The following SKAP2 variants were observed in gnomAD, a reference collection of about 807,000 sequenced individuals.
The protein encoded by SKAP2 is src kinase-associated phosphoprotein 2.
SKAP2 carries 28 observed loss-of-function variants against 54.9 expected under a neutral mutation model. That is an observed-to-expected ratio of 0.51 (90% confidence interval 0.38 to 0.70). The LOEUF is 0.70. Ranked by LOEUF, SKAP2 falls within the 30% of genes least tolerant of loss-of-function variation. SKAP2 has a pLI of 0.00. For synonymous variants in SKAP2, 137 were observed against 134.3 expected (o/e 1.02, Z -0.14); for missense variants, 356 against 424.1 (o/e 0.84, Z 1.41).
intron 4 of SKAP2, among the ~76,000 whole-genome samples, chr7:26,839,170 ATG>A (rs1225478813): frequency 6.6e-5 from 10 of 152,092 alleles, no homozygotes; most frequent in Non-Finnish European, 1.2e-4. Flanking sequence ...CTCAATGGCT[ATG>A]TGTTTTATTT....
chr7:26,774,468 A>T (rs1262883105), intron 4 of SKAP2, among the ~76,000 whole-genome samples: 1 of 151,968 alleles, frequency 6.6e-6, no homozygotes, highest in South Asian at 2.1e-4. Flanking sequence ...CTGAAATGCG[A>T]AGTGTCAGTG....
At chr7:26,823,723 A>G (rs1384306823) in intron 4 of SKAP2, among the ~76,000 whole-genome samples, 1 of 152,176 alleles carries the variant, frequency 6.6e-6, no homozygotes, top group African/African-American at 2.4e-5. Flanking sequence ...CTCATGGATG[A>G]CTTTGAGGGG....
downstream of SKAP2, among the ~76,000 whole-genome samples, chr7:26,662,533 T>A (rs1477257339): frequency 6.6e-6 from 1 of 152,138 alleles, no homozygotes; most frequent in Admixed American, 6.6e-5. Context: ...AGACTATGAA[T>A]CTACTTGGGA....
At chr7:26,786,793 T>C (rs1783556838) in intron 4 of SKAP2, among the ~76,000 whole-genome samples, 1 of 152,228 alleles carries the variant, frequency 6.6e-6, no homozygotes, top group Non-Finnish European at 1.5e-5. Context: ...CTTTTTTTTC[T>C]GAACATATAA....
In SKAP2 at chr7:26,725,922, C is replaced by G. The variant is rs1223752052; in HGVS notation, c.658+1G>C. ...TAACTTGTTCGATTGATTTATCTTA[C>G]CTTGCAATACAAATTTCAGCTGCTG... On this transcript the variant is annotated splice_donor_variant, in intron 8 of 12. Transcript: ENST00000345317. LOFTEE classifies it high-confidence loss of function. The G allele has an allele frequency of 5.0e-6, 8 of 1,605,278 alleles. No individual in the cohort carries two copies. Among genetic ancestry groups the G allele is most frequent in the Non-Finnish European group, 6.0e-6 (7 of 1,173,604 alleles).
intron 4 of SKAP2, among the ~76,000 whole-genome samples, chr7:26,807,838 G>C (rs1784061499): frequency 6.6e-6 from 1 of 152,002 alleles, no homozygotes; most frequent in Non-Finnish European, 1.5e-5. Flanking sequence ...CCAGCAAAAA[G>C]ATTACAACTT....
At chr7:26,730,519 T>C (rs899408160) in intron 6 of SKAP2, among the ~76,000 whole-genome samples, 4 of 152,216 alleles carry the variant, frequency 2.6e-5, no homozygotes, top group Admixed American at 2.0e-4. Context: ...CATTTTTTTC[T>C]TAACATAGTA....
At chr7:26,741,697 T>A (rs527974966) in intron 4 of SKAP2, among the ~76,000 whole-genome samples, 4 of 152,238 alleles carry the variant, frequency 2.6e-5, no homozygotes, top group Admixed American at 2.0e-4. Context: ...ATTGTATGCC[T>A]GTATCAAAAC....
At chr7:26,798,965 AT>A (rs970209668) in intron 4 of SKAP2, among the ~76,000 whole-genome samples, 12 of 151,142 alleles carry the variant, frequency 7.9e-5, no homozygotes, top group African/African-American at 2.2e-4. Flanking sequence ...ACCAGAGAAA[AT>A]TACCTTCACT....
At chr7:26,829,290 C>G (rs1049901077) in intron 4 of SKAP2, among the ~76,000 whole-genome samples, 1 of 152,112 alleles carries the variant, frequency 6.6e-6, no homozygotes, top group African/African-American at 2.4e-5. Flanking sequence ...CTCAACACTT[C>G]AGGAAGCCAA....
chr7:26,725,222 A>G (rs945980033), intron 9 of SKAP2, among the ~76,000 whole-genome samples: 3 of 152,144 alleles, frequency 2.0e-5, no homozygotes, highest in African/African-American at 7.2e-5. Context: ...CACTTTTCGT[A>G]AGTTACATCT....
At chr7:26,811,723 T>C (rs1784150328) in intron 4 of SKAP2, among the ~76,000 whole-genome samples, 2 of 152,114 alleles carry the variant, frequency 1.3e-5, no homozygotes, top group African/African-American at 2.4e-5. Flanking sequence ...AATAAGAAAC[T>C]GTTAAGCTAT....
At chr7:26,746,813 T>C (rs1378445470) in intron 4 of SKAP2, 1 of 152,110 alleles carries the variant, frequency 6.6e-6, no homozygotes, top group East Asian at 1.9e-4. Flanking sequence ...TAGATTGAAG[T>C]TTCAATTATA....
At chr7:26,769,928 G>T (rs567936998) in intron 4 of SKAP2, among the ~76,000 whole-genome samples, 1 of 152,296 alleles carries the variant, frequency 6.6e-6, no homozygotes, top group Admixed American at 6.5e-5. Context: ...GAGGCACAGG[G>T]TCAGAGACCC....
At chr7:26,712,511 G>A (rs1787332586) in intron 9 of SKAP2, among the ~76,000 whole-genome samples, 2 of 152,166 alleles carry the variant, frequency 1.3e-5, no homozygotes, top group African/African-American at 2.4e-5. Flanking sequence ...TTGAGAGACA[G>A]TACAGTTATT....
chr7:26,688,501 C>T (rs1237057021), intron 10 of SKAP2, among the ~76,000 whole-genome samples: 1 of 152,000 alleles, frequency 6.6e-6, no homozygotes, highest in Non-Finnish European at 1.5e-5. Context: ...ATAGTAATAC[C>T]CTTGTCAACT....
At chr7:26,807,300 T>C (rs1196950652) in intron 4 of SKAP2, among the ~76,000 whole-genome samples, 1 of 152,184 alleles carries the variant, frequency 6.6e-6, no homozygotes, top group Non-Finnish European at 1.5e-5. Context: ...ATTATAATCC[T>C]CACGTGTCCA....
chr7:26,738,949 T>G (rs73077525), intron 5 of SKAP2, 71 bp from the exon 6 acceptor site: 107,195 of 910,124 alleles, frequency 0.12, 7,333 homozygotes, highest in Non-Finnish European at 0.15. Flanking sequence ...ATATGATTTC[T>G]AAGATTCCTC....
At chr7:26,857,609 T>C in intron 1 of SKAP2, 2 of 985,372 alleles carry the variant, frequency 2.0e-6, no homozygotes, top group South Asian at 4.7e-5. Flanking sequence ...GGCTGCGAGA[T>C]GCTCCAGCTC....
Sources: allele counts gnomAD v4.1 joint callset (sites outside exome capture counted in the v4.1 genomes callset), GRCh38; gene constraint gnomAD v4.1.1; transcripts MANE v1.5; gene names NCBI Gene and HGNC (gene_info 2026-07-23, HGNC 2026-07-21).